The following OPCML variants were observed in gnomAD, a reference collection of about 807,000 sequenced individuals.
OPCML encodes the protein opioid binding protein/cell adhesion molecule like, also known as opioid-binding protein/cell adhesion molecule.
A neutral mutation model predicts 37.8 loss-of-function variants in OPCML; 13 were observed. That is an observed-to-expected ratio of 0.34 (90% CI 0.22 to 0.55). The LOEUF is 0.55. Among genes scored for constraint, OPCML ranks in the 20% least tolerant of loss-of-function variants. The pLI is 0.91. For missense variants in OPCML, 341 were observed against 435.6 expected, an observed-to-expected ratio of 0.78 and a Z score of 1.93; for synonymous variants, 176 against 168.8, an observed-to-expected ratio of 1.04 and a Z score of -0.33.
intron 1 of OPCML, among the ~76,000 whole-genome samples, chr11:133,270,558 G>T (rs890413621): frequency 1.3e-5 from 2 of 152,078 alleles, no homozygotes; most frequent in African/African-American, 4.8e-5. Flanking sequence ...TCAAATACCT[G>T]TTTATGCTTT....
chr11:133,102,099 T>G (rs557767980), intron 1 of OPCML, among the ~76,000 whole-genome samples: 8 of 152,308 alleles, frequency 5.3e-5, no homozygotes, highest in Admixed American at 5.2e-4. Flanking sequence ...GGCAGTAAAA[T>G]CATTCTGTAT....
At chr11:133,365,703 C>T (rs1944524044) in intron 1 of OPCML, 1 of 152,232 alleles carries the variant, frequency 6.6e-6, no homozygotes, top group Non-Finnish European at 1.5e-5. Context: ...AGGATGCCAT[C>T]TGCTGTCTAA....
chr11:132,588,845 G>A (rs2096478830), intron 3 of OPCML, among the ~76,000 whole-genome samples: 1 of 152,160 alleles, frequency 6.6e-6, no homozygotes, highest in Admixed American at 6.5e-5. Context: ...CTTCTGTACA[G>A]ATATATCTCC....
intron 4 of OPCML, among the ~76,000 whole-genome samples, chr11:132,500,603 AG>A (rs1367185729): frequency 1.5e-4 from 23 of 152,322 alleles, no homozygotes; most frequent in Admixed American, 1.4e-3. Flanking sequence ...ATACACGTGC[AG>A]AAGGTGCAGA....
At chr11:133,268,268 T>C (rs1208025811) in intron 1 of OPCML, among the ~76,000 whole-genome samples, 1 of 152,210 alleles carries the variant, frequency 6.6e-6, no homozygotes, top group Admixed American at 6.5e-5. Flanking sequence ...ATGTGTCATC[T>C]CATGCAACTG....
intron 7 of OPCML, 65 bp downstream of exon 7, chr11:132,436,021 C>T (rs2096011844): frequency 6.5e-7 from 1 of 1,539,816 alleles, no homozygotes; most frequent in East Asian, 2.3e-5. Context: ...CAACTTCCTC[C>T]CTCCTGAGTC....
chr11:132,891,786 A>G (rs192766853), intron 2 of OPCML, among the ~76,000 whole-genome samples: 8 of 152,350 alleles, frequency 5.3e-5, no homozygotes, highest in Admixed American at 5.2e-4. Flanking sequence ...TTTACCTTAT[A>G]TTAGCTGGGT....
Position 133,288,365 on chromosome 11 carries a change from C to T in OPCML, c.61+243899G>A, listed in dbSNP as rs115442777. On this transcript the variant is annotated intron_variant, in intron 1 of 7. Coordinates refer to ENST00000524381, the MANE Select transcript of OPCML (RefSeq NM_001012393.5). ...CATGAGACAACCCATGGTCAAGTTG[C>T]CTACCTCAGCATCTAAGCAATGGGC... 8.6e-3 allele frequency among the ~76,000 whole-genome samples: 1,305 copies of T among 152,318 alleles called. 21 individuals are homozygous for T. The highest frequency in any genetic ancestry group is 0.03 in the African/African-American group (1,242 of 41,572).
At chr11:132,779,043 C>T (rs1946904905) in intron 2 of OPCML, among the ~76,000 whole-genome samples, 1 of 145,218 alleles carries the variant, frequency 6.9e-6, no homozygotes, top group Non-Finnish European at 1.5e-5. Context: ...TCTCCGCTCA[C>T]TGCAACCTCC....
intron 1 of OPCML, among the ~76,000 whole-genome samples, chr11:132,964,418 C>T (rs1408579991): frequency 1.3e-5 from 2 of 152,144 alleles, no homozygotes; most frequent in Non-Finnish European, 2.9e-5. Flanking sequence ...ATCCTGATTC[C>T]ACCCCTGAGT....
At chr11:132,517,526 A>G (rs942001009) in intron 4 of OPCML, among the ~76,000 whole-genome samples, 21 of 152,168 alleles carry the variant, frequency 1.4e-4, no homozygotes, top group African/African-American at 4.6e-4. Context: ...ATTATTTTCT[A>G]TTGAAGCCCA....
chr11:132,711,799 C>A (rs893402011), intron 2 of OPCML, among the ~76,000 whole-genome samples: 1 of 152,306 alleles, frequency 6.6e-6, no homozygotes, highest in African/African-American at 2.4e-5. Flanking sequence ...CTTACATATG[C>A]TATATGTGTG....
intron 2 of OPCML, among the ~76,000 whole-genome samples, chr11:132,870,444 G>T (rs1942751800): frequency 6.6e-6 from 1 of 152,088 alleles, no homozygotes; most frequent in South Asian, 2.1e-4. Context: ...TGGAAAACAG[G>T]ATGACAGTTC....
At chr11:132,561,431 C>T (rs941914635) in intron 3 of OPCML, among the ~76,000 whole-genome samples, 1 of 152,214 alleles carries the variant, frequency 6.6e-6, no homozygotes, top group Admixed American at 6.5e-5. Context: ...ACTGACTCAT[C>T]AGCTGCTCTG....
At chr11:132,455,558 G>A (rs531497677) in intron 4 of OPCML, among the ~76,000 whole-genome samples, 12 of 152,286 alleles carry the variant, frequency 7.9e-5, no homozygotes, top group African/African-American at 2.9e-4. Flanking sequence ...GCTGGAGATA[G>A]TCTTTGTTTA....
At chr11:133,418,362 T>A (rs1005077537) in intron 1 of OPCML, 1 of 985,260 alleles carries the variant, frequency 1.0e-6, no homozygotes, top group African/African-American at 1.7e-5. Flanking sequence ...GGTAAAAAAA[T>A]TCAAGAACTA....
intron 1 of OPCML, among the ~76,000 whole-genome samples, chr11:133,442,726 C>CGTGTGTGTGTGTGTGT (rs371441649): frequency 6.2e-4 from 88 of 141,448 alleles, no homozygotes; most frequent in African/African-American, 1.8e-3. Flanking sequence ...CATATTTAAA[C>CGTGTGTGTGTGTGTGT]GTGTGTGTGT....
chr11:133,293,029 A>G (rs1942522913), intron 1 of OPCML, among the ~76,000 whole-genome samples: 1 of 152,192 alleles, frequency 6.6e-6, no homozygotes, highest in Non-Finnish European at 1.5e-5. Flanking sequence ...GTGCTCCATA[A>G]AGAAGTCTGA....
At chr11:133,493,720 T>C (rs945090742) in intron 1 of OPCML, among the ~76,000 whole-genome samples, 1 of 152,178 alleles carries the variant, frequency 6.6e-6, no homozygotes, top group South Asian at 2.1e-4. Context: ...TCAAAGAGTA[T>C]GCATAATATT....
Sources: allele counts gnomAD v4.1 joint callset (sites outside exome capture counted in the v4.1 genomes callset), GRCh38; gene constraint gnomAD v4.1.1; transcripts MANE v1.5; gene names NCBI Gene and HGNC (gene_info 2026-07-23, HGNC 2026-07-21).